The following PTBP3 variants were observed in gnomAD, a reference collection of about 807,000 sequenced individuals.
PTBP3 encodes polypyrimidine tract binding protein 3.
Under a neutral mutation model 58.7 loss-of-function variants are expected in PTBP3, and 20 were observed. The ratio of observed to expected loss-of-function variants is 0.34; its 90% confidence interval spans 0.24 to 0.50. The LOEUF (loss-of-function observed/expected upper bound fraction) is 0.50, where lower values mean the gene tolerates loss of function less well. Ranked by LOEUF, PTBP3 falls within the 20% of genes least tolerant of loss-of-function variation. The pLI is 0.98. For synonymous variants in PTBP3, 185 were observed against 219.8 expected (o/e 0.84, Z 1.40); for missense variants, 509 against 637.2 (o/e 0.80, Z 2.17).
intron 1 of PTBP3, among the ~76,000 whole-genome samples, chr9:112,310,194 T>A (rs1055515551): frequency 2.0e-5 from 3 of 152,154 alleles, no homozygotes; most frequent in African/African-American, 7.2e-5. Flanking sequence ...TAGTTAAAGG[T>A]AGAGGAAATT....
In PTBP3 at chr9:112,287,334, G is replaced by GTTTTTTTTTTTTTTTTTTTTTTT. The variant is rs34426952; in HGVS notation, c.34+10497_34+10498insAAAAAAAAAAAAAAAAAAAAAAA. ...TAAGGCTCTGTTCACTTCTTTTTCA[G>GTTTTTTTTTTTTTTTTTTTTTTT]TTTTTTGTTTTTTTTTTTTTTTTGA... On this transcript the variant is annotated intron_variant, in intron 2 of 13. Transcript: ENST00000374257. Among the ~76,000 whole-genome samples the GTTTTTTTTTTTTTTTTTTTTTTT allele has an allele frequency of 1.4e-4, 13 of 96,078 alleles. 6 individuals carry two copies. Among genetic ancestry groups the GTTTTTTTTTTTTTTTTTTTTTTT allele is most frequent in the Non-Finnish European group, 2.5e-4 (13 of 52,590 alleles). 63.0% of individuals were successfully genotyped at this position (96,078 alleles called of 152,430 possible).
Position 112,223,620 on chromosome 9 carries a change from T to C in PTBP3, c.*231A>G. On this transcript the variant is annotated 3_prime_UTR_variant, in exon 14 of 14. Transcript: ENST00000374257. ...ATTTTTTTCCTGATTTTCTTTTTCC[T>C]GAAGGTTATTTTTGTAGAAACCATG... 1 of 1,238,266 alleles carries C rather than the reference T, an allele frequency of 8.1e-7. No individual in the cohort carries two copies. The highest frequency in any genetic ancestry group is 1.0e-6 in the Non-Finnish European group (1 of 982,388). 76.7% of individuals were successfully genotyped at this position (1,238,266 alleles called of 1,614,324 possible).
chr9:112,300,585 T>C (rs1371628488), intron 1 of PTBP3, among the ~76,000 whole-genome samples: 1 of 151,988 alleles, frequency 6.6e-6, no homozygotes, highest in Non-Finnish European at 1.5e-5. Context: ...ACCCCGTCTC[T>C]ACTAAAAATA....
At chr9:112,239,561 C>T (rs1018091067) in intron 7 of PTBP3, among the ~76,000 whole-genome samples, 5 of 151,668 alleles carry the variant, frequency 3.3e-5, no homozygotes, top group African/African-American at 1.2e-4. Context: ...GAGACCCCGC[C>T]TCTCTATAAA....
intron 1 of PTBP3, among the ~76,000 whole-genome samples, chr9:112,310,398 A>T (rs763445394): frequency 6.6e-6 from 1 of 152,250 alleles, no homozygotes; most frequent in Non-Finnish European, 1.5e-5. Context: ...AATTCATGAT[A>T]TCCAATCAAA....
chr9:112,252,828 G>T, intron 5 of PTBP3, 40 bp from the exon 6 acceptor site: 1 of 1,106,496 alleles, frequency 9.0e-7, no homozygotes, highest in Non-Finnish European at 1.4e-6. Flanking sequence ...TAAAAGAAAA[G>T]TATTAAACTG....
intron 2 of PTBP3, among the ~76,000 whole-genome samples, chr9:112,293,485 A>G (rs1166074480): frequency 6.6e-6 from 1 of 152,212 alleles, no homozygotes; most frequent in Non-Finnish European, 1.5e-5. Context: ...CAATATCTCT[A>G]TTCTCCTTCC....
upstream of PTBP3, among the ~76,000 whole-genome samples, chr9:112,337,423 A>G (rs1031396372): frequency 2.6e-5 from 4 of 152,160 alleles, no homozygotes; most frequent in Non-Finnish European, 5.9e-5. Flanking sequence ...CTCAAGAACC[A>G]CTTTGAGAAA....
chr9:112,356,874 C>CTTT, the PTBP3 span, among the ~76,000 whole-genome samples: 61,971 of 91,494 alleles, frequency 0.68, 23,696 homozygotes, highest in Admixed American at 0.72. Flanking sequence ...TCATTTCCCT[C>CTTT]TTTTTTTTTT....
Position 112,295,147 on chromosome 9 carries a change from G to A in PTBP3, c.34+2685C>T, listed in dbSNP as rs150212164. On this transcript the variant is annotated intron_variant, in intron 2 of 13. Transcript: ENST00000374257. ...CCCAGGTACTCAGAGGCCGAGGCAG[G>A]AGAATCTCTTGAACCCAGGAGGCGG... 3.3e-3 allele frequency among the ~76,000 whole-genome samples: 495 copies of A among 151,850 alleles called. 5 individuals are homozygous for A. The highest frequency in any genetic ancestry group is 0.011 in the African/African-American group (467 of 41,352).
the PTBP3 span, among the ~76,000 whole-genome samples, chr9:112,347,603 A>G: frequency 1.3e-5 from 2 of 152,188 alleles, no homozygotes; most frequent in Non-Finnish European, 2.9e-5. Flanking sequence ...TTGGCCTCCC[A>G]AAGTGCTGAG....
intron 1 of PTBP3, among the ~76,000 whole-genome samples, chr9:112,322,601 T>G (rs1830000764): frequency 6.6e-6 from 1 of 152,226 alleles, no homozygotes; most frequent in Non-Finnish European, 1.5e-5. Context: ...TAAAGGCCTT[T>G]TACCTCAGTT....
At chr9:112,282,707 A>G (rs911542744) in intron 2 of PTBP3, among the ~76,000 whole-genome samples, 5 of 152,040 alleles carry the variant, frequency 3.3e-5, no homozygotes, top group African/African-American at 1.2e-4. Flanking sequence ...TTTGATTTCT[A>G]ATAGAATTCT....
Position 112,227,501 on chromosome 9 carries a change from T to C in PTBP3, c.1274A>G (p.Asn425Ser), listed in dbSNP as rs377449213. The C allele has an allele frequency of 1.1e-4, 181 of 1,613,920 alleles. No individual in the cohort carries two copies. The Middle Eastern group carries it at 6.3e-3, about 56-fold the overall frequency. The stretch of plus-strand genomic sequence containing the variant: ...CTTTTTAAAGCGATGCAAAGGACTA[T>C]TGCTGAAATCCTTAGTCAGACCTTG... The part of the protein sequence containing the change: ...EDQGLTKDFS[N>S]SPLHRFKKPG... Residue 425 changes from asparagine (N) to serine (S), a missense_variant, in exon 12 of 14, where the codon AAT becomes AGT. By Grantham distance (46) the Asn-to-Ser change is conservative. This residue lies in a region of PTBP3 where 135 missense variants were observed against 229.0 expected (regional missense o/e 0.59). Coordinates refer to ENST00000374257, the MANE Select transcript of PTBP3 (RefSeq NM_001163788.4).
chr9:112,284,017 T>C (rs952261292), intron 2 of PTBP3, among the ~76,000 whole-genome samples: 1 of 152,174 alleles, frequency 6.6e-6, no homozygotes, highest in African/African-American at 2.4e-5. Context: ...AGAGGATGTA[T>C]GGAAATACCT....
At chr9:112,311,626 CT>C (rs762413706) in intron 1 of PTBP3, among the ~76,000 whole-genome samples, 1 of 152,108 alleles carries the variant, frequency 6.6e-6, no homozygotes, top group Admixed American at 6.5e-5. Context: ...TTGGCCCCCC[CT>C]AGATACTGAG....
chr9:112,314,426 T>C (rs186481070), intron 1 of PTBP3, among the ~76,000 whole-genome samples: 2 of 152,158 alleles, frequency 1.3e-5, no homozygotes, highest in East Asian at 1.9e-4. Flanking sequence ...CTGGGTGCAG[T>C]AGCTCGTGCC....
At chr9:112,375,062 C>T in the PTBP3 span, among the ~76,000 whole-genome samples, 2 of 152,288 alleles carry the variant, frequency 1.3e-5, no homozygotes, top group East Asian at 1.9e-4. Context: ...ACTTTGTTCA[C>T]GGGTCCACTG....
chr9:112,374,811 G>A, the PTBP3 span, among the ~76,000 whole-genome samples: 9 of 152,234 alleles, frequency 5.9e-5, no homozygotes, highest in Non-Finnish European at 1.3e-4. Context: ...CATATCCAGA[G>A]TAAGTGTCTA....
Sources: allele counts gnomAD v4.1 joint callset (sites outside exome capture counted in the v4.1 genomes callset), GRCh38; gene constraint gnomAD v4.1.1; regional missense constraint gnomAD v4.1.1; transcripts MANE v1.5; gene names NCBI Gene and HGNC (gene_info 2026-07-23, HGNC 2026-07-21).